Variants in CSRP2 observed in about 807,000 individuals in gnomAD.
CSRP2 encodes cysteine and glycine rich protein 2.
A neutral mutation model predicts 24.6 loss-of-function variants in CSRP2; 18 were observed. The ratio of observed to expected loss-of-function variants is 0.73; its 90% CI spans 0.51 to 1.09. CSRP2 has a LOEUF of 1.09. CSRP2 is among the 50% of genes least tolerant of loss of function. CSRP2 has a pLI of 0.00. For synonymous variants in CSRP2, 87 were observed against 84.3 expected (o/e 1.03, Z -0.18); for missense variants, 215 against 239.4 (o/e 0.90, Z 0.67).
intron 3 of CSRP2, chr12:76,861,052 C>G (rs1159915823): frequency 1.3e-5 from 2 of 152,048 alleles, no homozygotes; most frequent in East Asian, 1.9e-4. Flanking sequence ...ATTTTTGTCA[C>G]TATTTACAGA....
In CSRP2 at chr12:76,858,809, G is replaced by C; in HGVS notation, c.*143C>G. The C allele has an allele frequency of 1.5e-6, 1 of 666,140 alleles. No individual in the cohort carries two copies. The highest frequency in any genetic ancestry group is 2.1e-5 in the South Asian group (1 of 48,754). 41.3% of individuals were successfully genotyped at this position (666,140 alleles called of 1,614,324 possible). On this transcript the variant is annotated 3_prime_UTR_variant, in exon 6 of 6. Coordinates refer to ENST00000311083, the MANE Select transcript of CSRP2 (RefSeq NM_001321.3). Reference sequence around the variant, plus strand: ...ATACCATACAGTGCTCTCTTCCTACGAGTTAGCCAGCCTATCCAAGTACAG... The same window carrying C: ...ATACCATACAGTGCTCTCTTCCTACCAGTTAGCCAGCCTATCCAAGTACAG...
chr12:76,859,333 A>G (rs2137820041), intron 5 of CSRP2: 1 of 595,672 alleles, frequency 1.7e-6, no homozygotes, highest in Non-Finnish European at 3.0e-6. Flanking sequence ...AAGGCAAAAG[A>G]TGGCTATTTG....
intron 2 of CSRP2, chr12:76,864,649 G>T (rs1236871494): frequency 1.3e-5 from 2 of 151,758 alleles, no homozygotes; most frequent in African/African-American, 4.8e-5. Context: ...AAAGGGGGGG[G>T]GTTGAATAAA....
At chr12:76,868,990 C>A (rs984156470) in intron 1 of CSRP2, among the ~76,000 whole-genome samples, 55 of 151,858 alleles carry the variant, frequency 3.6e-4, no homozygotes, top group Admixed American at 1.3e-4. Context: ...CTGACTCTAC[C>A]CCTATCTTAG....
intron 1 of CSRP2, 91 bp from the exon 2 acceptor site, chr12:76,866,352 T>C (rs1953735571): frequency 1.1e-6 from 1 of 941,368 alleles, no homozygotes; most frequent in Admixed American, 2.5e-5. Context: ...CTGCAGATTT[T>C]CGTTTCTTTA....
At chr12:76,862,859 CA>C in intron 3 of CSRP2, 1 of 1,529,048 alleles carries the variant, frequency 6.5e-7, no homozygotes, top group Non-Finnish European at 8.7e-7. Flanking sequence ...ATTTCTCTAC[CA>C]TTTAATTTCA....
rs914521567 is a variant in CSRP2 at position 76,858,760 on chromosome 12, A to G, written c.*192T>C. Reference sequence around the variant, plus strand: ...AAATGTAAAAGAAATGTTCCCCCAAAATGCTGGTGAATAAAGCAAAAGGAT... The same window carrying G: ...AAATGTAAAAGAAATGTTCCCCCAAGATGCTGGTGAATAAAGCAAAAGGAT... On this transcript the variant is annotated 3_prime_UTR_variant, in exon 6 of 6. Coordinates refer to ENST00000311083, the MANE Select transcript of CSRP2 (RefSeq NM_001321.3). 12 of 430,036 alleles carry G rather than the reference A, an allele frequency of 2.8e-5. No individual in the cohort carries two copies. The highest frequency in any genetic ancestry group is 4.1e-5 in the Admixed American group (1 of 24,428). 26.6% of individuals were successfully genotyped at this position (430,036 alleles called of 1,614,324 possible).
intron 4 of CSRP2, 93 bp downstream of exon 4, chr12:76,860,191 A>G (rs1202224016): frequency 7.4e-7 from 1 of 1,349,508 alleles, no homozygotes; most frequent in Admixed American, 2.1e-5. Context: ...GTGATTTGTA[A>G]GACATCACCC....
At chr12:76,870,234 C>T (rs572899666) in intron 1 of CSRP2, among the ~76,000 whole-genome samples, 2 of 152,314 alleles carry the variant, frequency 1.3e-5, no homozygotes, top group Non-Finnish European at 2.9e-5. Context: ...ATTGCTATCA[C>T]GACTGAGGCT....
chr12:76,859,743 C>G, intron 4 of CSRP2, 103 bp from the exon 5 acceptor site: 1 of 774,294 alleles, frequency 1.3e-6, no homozygotes, highest in Non-Finnish European at 2.1e-6. Context: ...TCAAAGCAAG[C>G]TCCTGACTTC....
intron 1 of CSRP2, among the ~76,000 whole-genome samples, chr12:76,871,646 C>T (rs1953800257): frequency 6.6e-6 from 1 of 152,008 alleles, no homozygotes; most frequent in African/African-American, 2.4e-5. Flanking sequence ...TGCCTGTAGT[C>T]CCAGCTACTC....
chr12:76,865,301 A>G (rs1365847928), intron 2 of CSRP2, among the ~76,000 whole-genome samples: 3 of 152,334 alleles, frequency 2.0e-5, no homozygotes, highest in African/African-American at 7.2e-5. Context: ...TTTTTTAAAA[A>G]AGTAACTTCT....
At chr12:76,873,236 T>C (rs1953819203) in intron 1 of CSRP2, among the ~76,000 whole-genome samples, 2 of 152,326 alleles carry the variant, frequency 1.3e-5, no homozygotes, top group South Asian at 2.1e-4. Flanking sequence ...TATTATAAAA[T>C]ACAGTCTCAT....
At chr12:76,869,796 G>A (rs1269537390) in intron 1 of CSRP2, among the ~76,000 whole-genome samples, 1 of 152,114 alleles carries the variant, frequency 6.6e-6, no homozygotes, top group African/African-American at 2.4e-5. Flanking sequence ...CTCCTCCCTG[G>A]AGACAGGCAC....
In CSRP2 at chr12:76,860,404, A is replaced by G; in HGVS notation, c.291T>C (p.Pro97=). ...TGTTTGGATTTGTTGTAGGCCTGTG[A>G]GGCTGAACACTTGTGAAAAGAGGAA... is the stretch of plus-strand genomic sequence containing the variant. ...RLGIKPESVQ[P]HRPTTNPNTS... The change falls in exon 4 of 6, where the codon CCT becomes CCC. Residue 97 remains proline (P), a synonymous_variant. Transcript: ENST00000311083. 6.2e-7 allele frequency: 1 copy of G among 1,610,688 alleles called. No homozygotes were observed.
chr12:76,873,626 CAACAGTACCTTTTTTAGAGAGTTAAG>C (rs1422960700), intron 1 of CSRP2, among the ~76,000 whole-genome samples: 3 of 152,186 alleles, frequency 2.0e-5, no homozygotes, highest in African/African-American at 7.2e-5. Flanking sequence ...AAACTTAGGG[CAACAGTACCTTTTTTAGAGAGTTAAG>C]AACAGTACCA....
At chr12:76,871,599 T>C (rs567157417) in intron 1 of CSRP2, among the ~76,000 whole-genome samples, 10 of 152,078 alleles carry the variant, frequency 6.6e-5, no homozygotes, top group Non-Finnish European at 1.5e-4. Context: ...TGAAACCCCG[T>C]CTCTACTAAA....
Position 76,858,818 on chromosome 12 carries a change from A to G in CSRP2, c.*134T>C. The G allele has an allele frequency of 1.4e-6, 1 of 731,642 alleles. No homozygotes were observed. 45.3% of individuals were successfully genotyped at this position (731,642 alleles called of 1,614,324 possible). Reference sequence around the variant, plus strand: ...AGTGCTCTCTTCCTACGAGTTAGCCAGCCTATCCAAGTACAGGGCGATATA... The same window carrying G: ...AGTGCTCTCTTCCTACGAGTTAGCCGGCCTATCCAAGTACAGGGCGATATA... On this transcript the variant is annotated 3_prime_UTR_variant, in exon 6 of 6. Transcript: ENST00000311083.
At chr12:76,862,959 G>A in intron 3 of CSRP2, 3 of 1,482,370 alleles carry the variant, frequency 2.0e-6, no homozygotes, top group Non-Finnish European at 2.7e-6. Flanking sequence ...AGCTTGGAAT[G>A]CTATAAAGCC....
Sources: allele counts gnomAD v4.1 joint callset (sites outside exome capture counted in the v4.1 genomes callset), GRCh38; gene constraint gnomAD v4.1.1; transcripts MANE v1.5; gene names NCBI Gene and HGNC (gene_info 2026-07-23, HGNC 2026-07-21).